The following ARNT variants were observed in gnomAD, a reference collection of about 807,000 sequenced individuals.
The protein encoded by ARNT is aryl hydrocarbon receptor nuclear translocator, also known as class E basic helix-loop-helix protein 2.
Under a neutral mutation model 105.0 loss-of-function variants are expected in ARNT, and 30 were observed. The observed-to-expected ratio is 0.29, with a 90% CI of 0.21 to 0.39. ARNT has a LOEUF of 0.39. Among genes scored for constraint, ARNT ranks in the 10% least tolerant of loss-of-function variants. ARNT has a pLI of 1.00. For synonymous variants in ARNT, 304 were observed against 344.0 expected (o/e 0.88, Z 1.29); for missense variants, 748 against 978.7 (o/e 0.76, Z 3.15).
chr1:150,846,370 A>G, intron 3 of ARNT, 63 bp from the exon 4 acceptor site: 1 of 1,524,326 alleles, frequency 6.6e-7, no homozygotes, highest in Non-Finnish European at 9.0e-7. Flanking sequence ...TCACTCTGAA[A>G]AGTAAACTAG....
At chr1:150,837,778 CAAG>C (rs1660580466) in intron 6 of ARNT, among the ~76,000 whole-genome samples, 4 of 152,060 alleles carry the variant, frequency 2.6e-5, no homozygotes, top group Non-Finnish European at 5.9e-5. Context: ...ACTTGAATTT[CAAG>C]TATCTGTAAA....
chr1:150,831,706 C>A, intron 10 of ARNT, 112 bp downstream of exon 10: 1 of 693,822 alleles, frequency 1.4e-6, no homozygotes, highest in South Asian at 1.9e-5. Context: ...TTTCTTTCAT[C>A]TTACACAAAA....
chr1:150,816,004 C>G (rs888009276), intron 19 of ARNT, among the ~76,000 whole-genome samples: 3 of 152,020 alleles, frequency 2.0e-5, no homozygotes, highest in African/African-American at 7.3e-5. Context: ...CAAAACAAAT[C>G]TGAAAATCAG....
chr1:150,827,514 C>T (rs994732360), intron 12 of ARNT, among the ~76,000 whole-genome samples: 1 of 152,092 alleles, frequency 6.6e-6, no homozygotes, highest in African/African-American at 2.4e-5. Context: ...TAGTTTATTC[C>T]TTTTTATGCT....
rs765713018 is a variant in ARNT at position 150,858,441 on chromosome 1, T to C, written c.45A>G (p.Pro15=). The C allele has an allele frequency of 9.4e-5, 151 of 1,607,368 alleles. 1 individual carries two copies. Among genetic ancestry groups the C allele is most frequent in the Non-Finnish European group, 1.2e-4 (141 of 1,176,286 alleles). The change falls in exon 2 of 22, where the codon CCA becomes CCG. Residue 15 remains proline, a synonymous_variant. Coordinates refer to ENST00000358595, the MANE Select transcript of ARNT (RefSeq NM_001668.4). The stretch of plus-strand genomic sequence containing the variant: ...CAGAGGCAATGGCTGGACCCAGTGA[T>C]GGTACATCTGATGTCATTTCTGTCA... ...TANPEMTSDV[P]SLGPAIASGN...
chr1:150,811,977 C>G lies in ARNT; in HGVS notation c.*44G>C. The stretch of plus-strand genomic sequence containing the variant: ...GAAAGATTTGCTTTTTAAAAACAAA[C>G]AGTGATTTTTTCTCCCCCACCCCTT... On this transcript the variant is annotated 3_prime_UTR_variant, in exon 22 of 22. Coordinates refer to ENST00000358595, the MANE Select transcript of ARNT (RefSeq NM_001668.4). 7.3e-7 allele frequency: 1 copy of G among 1,375,522 alleles called. No individual in the cohort carries two copies. Among genetic ancestry groups the G allele is most frequent in the Non-Finnish European group, 9.7e-7 (1 of 1,036,172 alleles). 85.2% of individuals were successfully genotyped at this position (1,375,522 alleles called of 1,614,324 possible). A position where few individuals can be genotyped will look rare whatever the true frequency, so the allele number is the denominator to read the frequency against.
At chr1:150,874,129 G>C (rs1022255067) in intron 1 of ARNT, among the ~76,000 whole-genome samples, 1 of 148,982 alleles carries the variant, frequency 6.7e-6, no homozygotes, top group Non-Finnish European at 1.5e-5. Context: ...TCTAAGGAAA[G>C]AAGGTATGAC....
At chr1:150,828,844 A>G (rs1658798877) in intron 12 of ARNT, among the ~76,000 whole-genome samples, 1 of 152,208 alleles carries the variant, frequency 6.6e-6, no homozygotes, top group African/African-American at 2.4e-5. Flanking sequence ...ATCTGTATTA[A>G]TATCAACAAC....
At chr1:150,839,884 C>G (rs184835935) in intron 5 of ARNT, among the ~76,000 whole-genome samples, 1 of 152,130 alleles carries the variant, frequency 6.6e-6, no homozygotes, top group Non-Finnish European at 1.5e-5. Context: ...ATTCCCTTCC[C>G]CCTATTTCCT....
chr1:150,839,798 G>A, intron 5 of ARNT, 144 bp from the exon 6 acceptor site: 1 of 861,350 alleles, frequency 1.2e-6, no homozygotes. Context: ...GTTAAAATAA[G>A]GTTTGCCAAC....
chr1:150,823,533 T>G (rs1360317294), intron 13 of ARNT, among the ~76,000 whole-genome samples, 188 bp from the exon 14 acceptor site: 1 of 151,576 alleles, frequency 6.6e-6, no homozygotes, highest in Admixed American at 6.6e-5. Flanking sequence ...TTTCTCATGC[T>G]TCCTTTCAGA....
chr1:150,847,977 T>G (rs1044428537), intron 3 of ARNT, among the ~76,000 whole-genome samples: 1 of 152,160 alleles, frequency 6.6e-6, no homozygotes, highest in South Asian at 2.1e-4. Context: ...AAAAAGAAGA[T>G]AGATGCTATT....
At chr1:150,853,330 C>A in intron 2 of ARNT, 1 of 322,380 alleles carries the variant, frequency 3.1e-6, no homozygotes, top group South Asian at 2.4e-5. Flanking sequence ...GTACCTTCTG[C>A]TACCTTAACA....
rs1415134030 is a variant in ARNT, at chr1:150,812,043, A to C, written c.2348T>G (p.Met783Arg). 6.4e-7 allele frequency: 1 copy of C among 1,570,522 alleles called. No individual in the cohort carries two copies. Among genetic ancestry groups the C allele is most frequent in the Non-Finnish European group, 8.7e-7 (1 of 1,155,068 alleles). Residue 783 changes from methionine to arginine, a missense_variant, in exon 22 of 22, where the codon ATG becomes AGG. Physicochemically the swap from Met to Arg is moderately conservative, Grantham distance 91. Coordinates refer to ENST00000358595, the MANE Select transcript of ARNT (RefSeq NM_001668.4). ...YNNEEFPDLT[M>R]FPPFSE ...GTTCTATTCTGAAAAGGGGGGAAAC[A>C]TAGTTAGATCAGGGAATTCTTCATT...
At chr1:150,832,187 G>GT (rs1294887532) in intron 9 of ARNT, 147 bp downstream of exon 9, 1 of 831,488 alleles carries the variant, frequency 1.2e-6, no homozygotes, top group South Asian at 1.7e-5. Context: ...CAGAAAAAAA[G>GT]TAAGTGGGAG....
Position 150,834,638 on chromosome 1 carries a change from G to A in ARNT, c.703C>T (p.Arg235Cys), listed in dbSNP as rs137869225. The change falls in exon 8 of 22, where the codon CGT becomes TGT. Residue 235 changes from arginine to cysteine, a missense_variant and splice_region_variant. Arg to Cys is a radical substitution (Grantham distance 180). Around this residue, in one of 4 missense-constraint regions of ARNT, gnomAD observed 291 missense variants for 444.6 expected, o/e 0.65. Transcript: ENST00000358595. Reference sequence around the variant, plus strand: ...GTTCCAGTCTTTAGATCCAGGATACGCCCTGAAGGAAGATGTGAAGAGCAG... The same window carrying A: ...GTTCCAGTCTTTAGATCCAGGATACACCCTGAAGGAAGATGTGAAGAGCAG... ...LSTSENALTG[R>C]ILDLKTGTVK... 7 of 1,613,468 alleles carry A rather than the reference G, an allele frequency of 4.3e-6. No homozygotes were observed. The highest frequency in any genetic ancestry group is 2.7e-5 in the African/African-American group (2 of 74,898).
chr1:150,843,866 C>T (rs1661699371), intron 4 of ARNT, among the ~76,000 whole-genome samples: 1 of 152,102 alleles, frequency 6.6e-6, no homozygotes, highest in Non-Finnish European at 1.5e-5. Context: ...AGGGGCACTA[C>T]CTTAACACAT....
intron 3 of ARNT, among the ~76,000 whole-genome samples, chr1:150,848,206 T>C (rs1370560073): frequency 1.3e-5 from 2 of 152,202 alleles, no homozygotes; most frequent in African/African-American, 2.4e-5. Flanking sequence ...TGGCCCACAC[T>C]TGTAATCCCA....
chr1:150,859,796 G>A (rs1218406129), intron 1 of ARNT, among the ~76,000 whole-genome samples: 5 of 152,164 alleles, frequency 3.3e-5, no homozygotes, highest in Non-Finnish European at 7.4e-5. Context: ...GATCACTTGA[G>A]CCCAGGAGTT....
Sources: gnomAD v4.1 joint callset for allele counts (sites outside exome capture counted in the v4.1 genomes callset) on GRCh38, gnomAD v4.1.1 for gene constraint, gnomAD v4.1.1 regional missense constraint, MANE v1.5 for transcripts, NCBI Gene and HGNC (gene_info 2026-07-23, HGNC 2026-07-21) for gene names.